The following KCNH7 variants were observed in gnomAD, a reference collection of about 807,000 sequenced individuals.
The protein encoded by KCNH7 is potassium voltage-gated channel subfamily H member 7.
KCNH7 carries 49 observed loss-of-function variants against 120.8 expected under a neutral mutation model. The ratio of observed to expected loss-of-function variants is 0.41; its 90% CI spans 0.32 to 0.51. KCNH7 has a LOEUF of 0.51. Among genes scored for constraint, KCNH7 ranks in the 20% least tolerant of loss-of-function variants. The probability of loss-of-function intolerance (pLI) is 0.38; values close to 1 mark genes in which losing one functional copy is unlikely to be tolerated. For synonymous variants in KCNH7, 547 were observed against 516.1 expected (o/e 1.06, Z -0.81); for missense variants, 1,097 against 1,446.6 (o/e 0.76, Z 3.92).
At chr2:162,617,054 T>G (rs1305609143) in intron 2 of KCNH7, among the ~76,000 whole-genome samples, 8 of 151,972 alleles carry the variant, frequency 5.3e-5, no homozygotes, top group Non-Finnish European at 1.2e-4. Context: ...AAAGTAAAAT[T>G]TAAGGTTGGG....
At chr2:162,502,575 G>A (rs528047618) in intron 6 of KCNH7, among the ~76,000 whole-genome samples, 35 of 152,086 alleles carry the variant, frequency 2.3e-4, no homozygotes, top group African/African-American at 7.2e-4. Context: ...TACTGACTAC[G>A]CAGTTTGATG....
At chr2:162,576,712 C>T (rs1693682039) in intron 2 of KCNH7, among the ~76,000 whole-genome samples, 1 of 151,774 alleles carries the variant, frequency 6.6e-6, no homozygotes, top group African/African-American at 2.4e-5. Context: ...AAAACATACA[C>T]TTTTAGAGCT....
At chr2:162,586,330 G>T (rs936737227) in intron 2 of KCNH7, among the ~76,000 whole-genome samples, 8 of 152,038 alleles carry the variant, frequency 5.3e-5, no homozygotes, top group Admixed American at 2.0e-4. Context: ...CCTTTGGAAC[G>T]TTGAGAGCAC....
intron 2 of KCNH7, among the ~76,000 whole-genome samples, chr2:162,628,502 T>A (rs1574191773): frequency 6.6e-6 from 1 of 152,102 alleles, no homozygotes; most frequent in Non-Finnish European, 1.5e-5. Context: ...GGTAAACTTG[T>A]GTCATCAGGG....
chr2:162,604,084 G>A (rs1320150870), intron 2 of KCNH7, among the ~76,000 whole-genome samples: 1 of 151,996 alleles, frequency 6.6e-6, no homozygotes, highest in Non-Finnish European at 1.5e-5. Flanking sequence ...TACTAACTTA[G>A]CTAGAGAAAG....
At chr2:162,373,733 T>A in intron 14 of KCNH7, 71 bp from the exon 15 acceptor site, 1 of 1,069,764 alleles carries the variant, frequency 9.3e-7, no homozygotes, top group African/African-American at 1.6e-5. Flanking sequence ...TTAAAAAAAT[T>A]TCAGCACTAC....
intron 5 of KCNH7, among the ~76,000 whole-genome samples, chr2:162,511,911 A>G (rs966036491): frequency 3.3e-5 from 5 of 151,766 alleles, no homozygotes; most frequent in Non-Finnish European, 7.4e-5. Flanking sequence ...TTGAAAGACC[A>G]AATCCCAATG....
At chr2:162,588,217 G>T (rs1694084773) in intron 2 of KCNH7, among the ~76,000 whole-genome samples, 1 of 151,964 alleles carries the variant, frequency 6.6e-6, no homozygotes, top group African/African-American at 2.4e-5. Flanking sequence ...AATGATATTA[G>T]AAGAAAAGTT....
At chr2:162,563,508 A>C (rs1693145670) in intron 2 of KCNH7, among the ~76,000 whole-genome samples, 2 of 150,484 alleles carry the variant, frequency 1.3e-5, no homozygotes, top group Non-Finnish European at 2.9e-5. Flanking sequence ...TCTAGCTTAT[A>C]ATAATCTAGA....
Position 162,764,959 on chromosome 2 carries a change from A to G in KCNH7, c.307+71578T>C, listed in dbSNP as rs189139721. ...TTTAAATTGTTAGACATATATAGCC[A>G]TATAAACATCAGAGCTATAAAACCA... On this transcript the variant is annotated intron_variant, in intron 2 of 15. Coordinates refer to ENST00000332142, the MANE Select transcript of KCNH7 (RefSeq NM_033272.4). Among the ~76,000 whole-genome samples the G allele has an allele frequency of 1.6e-3, 245 of 152,316 alleles. 2 individuals are homozygous for G. Among genetic ancestry groups the G allele is most frequent in the African/African-American group, 5.4e-3 (226 of 41,578 alleles).
chr2:162,480,454 A>G (rs981809021), intron 6 of KCNH7, among the ~76,000 whole-genome samples: 1 of 152,156 alleles, frequency 6.6e-6, no homozygotes, highest in Non-Finnish European at 1.5e-5. Flanking sequence ...CCTGAATCTA[A>G]AGCATATCTT....
intron 2 of KCNH7, among the ~76,000 whole-genome samples, chr2:162,818,815 G>A (rs1685003513): frequency 6.6e-6 from 1 of 152,012 alleles, no homozygotes; most frequent in Non-Finnish European, 1.5e-5. Context: ...CATTTTTCAA[G>A]TTTTTTTCAC....
intron 2 of KCNH7, among the ~76,000 whole-genome samples, chr2:162,585,935 A>G (rs1219839501): frequency 6.6e-6 from 1 of 152,068 alleles, no homozygotes; most frequent in Non-Finnish European, 1.5e-5. Context: ...GAATCTCACA[A>G]TACCTTAAAG....
intron 9 of KCNH7, among the ~76,000 whole-genome samples, chr2:162,408,283 G>T (rs901049093): frequency 2.0e-5 from 3 of 152,002 alleles, no homozygotes; most frequent in Non-Finnish European, 4.4e-5. Flanking sequence ...ATTGGGTATT[G>T]TTTCTTGGGA....
intron 10 of KCNH7, among the ~76,000 whole-genome samples, chr2:162,399,459 T>C (rs376635932): frequency 6.6e-6 from 1 of 152,026 alleles, no homozygotes; most frequent in Admixed American, 6.6e-5. Context: ...GCCATGTTGG[T>C]GTGCTGCACC....
chr2:162,698,528 T>C (rs916031423), intron 2 of KCNH7, among the ~76,000 whole-genome samples: 6 of 152,198 alleles, frequency 3.9e-5, no homozygotes, highest in Middle Eastern at 3.4e-3. Flanking sequence ...AAATTTCCAT[T>C]CCTTTTATAA....
At chr2:162,713,159 CT>C (rs1257281047) in intron 2 of KCNH7, among the ~76,000 whole-genome samples, 1 of 152,136 alleles carries the variant, frequency 6.6e-6, no homozygotes, top group Non-Finnish European at 1.5e-5. Context: ...TCTCAGGCTC[CT>C]GACAATTTCT....
chr2:162,758,805 G>T lies in KCNH7; in HGVS notation c.307+77732C>A, dbSNP rs138543706. On this transcript the variant is annotated intron_variant, in intron 2 of 15. Coordinates refer to ENST00000332142, the MANE Select transcript of KCNH7 (RefSeq NM_033272.4). ...ACACAAGTTTCAATAAAAATTAAAA[G>T]CAAATAAGCAATAACAACTTTACTG... 3.4e-3 allele frequency among the ~76,000 whole-genome samples: 521 copies of T among 152,142 alleles called. 1 individual carries two copies. Among genetic ancestry groups the T allele is most frequent in the South Asian group, 8.3e-3 (40 of 4,820 alleles).
chr2:162,639,897 GC>G (rs1301133248), intron 2 of KCNH7, among the ~76,000 whole-genome samples: 3 of 151,954 alleles, frequency 2.0e-5, no homozygotes, highest in Admixed American at 6.6e-5. Context: ...ATATACAAAA[GC>G]CCCATTATAT....
Sources: gnomAD v4.1 joint callset for allele counts (sites outside exome capture counted in the v4.1 genomes callset) on GRCh38, gnomAD v4.1.1 for gene constraint, MANE v1.5 for transcripts, NCBI Gene and HGNC (gene_info 2026-07-23, HGNC 2026-07-21) for gene names.